SAMD4A: variants seen among roughly 807,000 people sequenced by gnomAD.
SAMD4A encodes the protein sterile alpha motif domain containing 4A.
In SAMD4A, 33 loss-of-function variants were observed where a neutral mutation model predicts 81.3. The ratio of observed to expected loss-of-function variants is 0.41; its 90% CI spans 0.31 to 0.54. The LOEUF is 0.54. Among genes scored for constraint, SAMD4A ranks in the 20% least tolerant of loss-of-function variants. The pLI is 0.37. For synonymous variants in SAMD4A, 389 were observed against 382.1 expected, an observed-to-expected ratio of 1.02 and a Z score of -0.21; for missense variants, 854 against 951.1, an observed-to-expected ratio of 0.90 and a Z score of 1.34.
intron 9 of SAMD4A, among the ~76,000 whole-genome samples, chr14:54,772,523 C>T (rs184200049): frequency 7.9e-5 from 12 of 152,256 alleles, no homozygotes; most frequent in African/African-American, 2.6e-4. Context: ...CCTAAGAGTC[C>T]CTGGATCCCT....
At chr14:54,786,408 C>G (rs550791874) in intron 12 of SAMD4A, among the ~76,000 whole-genome samples, 4 of 152,300 alleles carry the variant, frequency 2.6e-5, no homozygotes, top group African/African-American at 9.6e-5. Context: ...TACTAAAAAC[C>G]ACTGAATTGT....
In SAMD4A at chr14:54,737,315, G is replaced by A. The variant is rs775092018; in HGVS notation, c.979+28G>A. 7.4e-6 allele frequency: 12 copies of A among 1,611,690 alleles called. No individual in the cohort carries two copies. In the East Asian group the frequency reaches 2.2e-4, roughly 30 times the overall value. ...GAGTGACTAAATGAGAAACCACTGG[G>A]GAAAGAGCCCCTCCCTTTATTGGAG... On this transcript the variant is annotated intron_variant, in intron 4 of 12. Coordinates refer to ENST00000554335, the MANE Select transcript of SAMD4A (RefSeq NM_015589.6).
At chr14:54,655,170 A>G (rs763301457) in intron 2 of SAMD4A, among the ~76,000 whole-genome samples, 2 of 152,198 alleles carry the variant, frequency 1.3e-5, no homozygotes, top group Non-Finnish European at 2.9e-5. Flanking sequence ...ATATCAGCTC[A>G]TTATTTTGCG....
chr14:54,613,229 A>C (rs2034408449), intron 2 of SAMD4A, among the ~76,000 whole-genome samples: 1 of 152,184 alleles, frequency 6.6e-6, no homozygotes, highest in African/African-American at 2.4e-5. Context: ...AAGTGAAGCC[A>C]AGGAGAGCAG....
intron 3 of SAMD4A, chr14:54,703,714 C>A (rs1192209882): frequency 6.6e-6 from 1 of 152,066 alleles, no homozygotes; most frequent in Non-Finnish European, 1.5e-5. Flanking sequence ...CCAAAAAATA[C>A]AAAAATTAGC....
At chr14:54,602,684 T>A (rs1254149613) in intron 2 of SAMD4A, among the ~76,000 whole-genome samples, 1 of 151,480 alleles carries the variant, frequency 6.6e-6, no homozygotes, top group Non-Finnish European at 1.5e-5. Context: ...CATTAGGAGA[T>A]ATACCTAATG....
chr14:54,695,894 A>G (rs560167784), intron 2 of SAMD4A, among the ~76,000 whole-genome samples: 1 of 147,038 alleles, frequency 6.8e-6, no homozygotes, highest in East Asian at 2.1e-4. Context: ...CGGAGGTTAC[A>G]GTGAGCCAAG....
chr14:54,601,359 T>A (rs1462773781), intron 2 of SAMD4A, among the ~76,000 whole-genome samples: 1 of 152,178 alleles, frequency 6.6e-6, no homozygotes, highest in Non-Finnish European at 1.5e-5. Flanking sequence ...TTAAATCCAT[T>A]ATGGAAGTAG....
intron 9 of SAMD4A, among the ~76,000 whole-genome samples, chr14:54,773,301 T>TATCA (rs2038753546): frequency 6.6e-6 from 1 of 152,322 alleles, no homozygotes; most frequent in African/African-American, 2.4e-5. Context: ...TGCAGGCCCC[T>TATCA]ATCACCCTCA....
chr14:54,584,467 G>A (rs2033561385), intron 2 of SAMD4A, among the ~76,000 whole-genome samples: 2 of 152,154 alleles, frequency 1.3e-5, no homozygotes, highest in African/African-American at 4.8e-5. Flanking sequence ...TAACCCCTTA[G>A]ACTTGAATTT....
chr14:54,691,882 G>A (rs1165548617), intron 2 of SAMD4A, among the ~76,000 whole-genome samples: 1 of 152,212 alleles, frequency 6.6e-6, no homozygotes. Flanking sequence ...CTATGGACTC[G>A]AATATCCTGC....
At chr14:54,689,502 A>G (rs1227511010) in intron 2 of SAMD4A, 1 of 152,250 alleles carries the variant, frequency 6.6e-6, no homozygotes, top group Non-Finnish European at 1.5e-5. Context: ...GGAGGAACTG[A>G]AGCACAGAGT....
intron 2 of SAMD4A, among the ~76,000 whole-genome samples, chr14:54,604,176 T>C (rs965302125): frequency 6.6e-6 from 1 of 152,232 alleles, no homozygotes; most frequent in African/African-American, 2.4e-5. Flanking sequence ...TGAGCATAGT[T>C]GTCTGTGGTA....
chr14:54,624,687 T>C (rs1385455946), intron 2 of SAMD4A, among the ~76,000 whole-genome samples: 1 of 152,236 alleles, frequency 6.6e-6, no homozygotes, highest in African/African-American at 2.4e-5. Flanking sequence ...GTTTTACTTA[T>C]ATGGCTATAC....
Position 54,776,498 on chromosome 14 carries a change from G to A in SAMD4A, c.2002G>A (p.Val668Met), listed in dbSNP as rs779370893. The A allele has an allele frequency of 1.7e-5, 27 of 1,593,982 alleles. No individual in the cohort carries two copies. The highest frequency in any genetic ancestry group is 7.0e-5 in the Admixed American group (4 of 57,076). Residue 668 changes from valine to methionine, a missense_variant, in exon 11 of 13, where the codon GTG becomes ATG. Val to Met is a conservative substitution (Grantham distance 21, BLOSUM62 1). Around this residue, in one of 3 missense-constraint regions of SAMD4A, gnomAD observed 428 missense variants for 471.2 expected, o/e 0.91. Transcript: ENST00000554335. ...AGTCCAGAGGACCCGCTCGCTGCCC[G>A]TGCACACTTCCCCACAGAACATGCT... ...SSVQRTRSLP[V>M]HTSPQNMLMF...
At chr14:54,590,846 G>C (rs566369346) in intron 2 of SAMD4A, among the ~76,000 whole-genome samples, 8 of 152,334 alleles carry the variant, frequency 5.3e-5, no homozygotes, top group Admixed American at 3.3e-4. Context: ...TCAAATGTTA[G>C]TAAATGTTCA....
At chr14:54,775,673 A>G (rs1016385403) in intron 10 of SAMD4A, among the ~76,000 whole-genome samples, 1 of 151,540 alleles carries the variant, frequency 6.6e-6, no homozygotes, top group Non-Finnish European at 1.5e-5. Flanking sequence ...CCCAGGCCCC[A>G]CCCCTGCCCA....
At chr14:54,583,312 A>C (rs907410337) in intron 2 of SAMD4A, among the ~76,000 whole-genome samples, 1 of 152,146 alleles carries the variant, frequency 6.6e-6, no homozygotes, top group Non-Finnish European at 1.5e-5. Flanking sequence ...AAAGTTATTC[A>C]TGGTGTATTT....
intron 9 of SAMD4A, among the ~76,000 whole-genome samples, chr14:54,774,137 A>G (rs981741821): frequency 2.0e-5 from 3 of 152,330 alleles, no homozygotes; most frequent in Admixed American, 1.3e-4. Context: ...AGGGAGGCGC[A>G]AGGCGGCAGG....
Sources: allele counts gnomAD v4.1 joint callset (sites outside exome capture counted in the v4.1 genomes callset), GRCh38; gene constraint gnomAD v4.1.1; regional missense constraint gnomAD v4.1.1; transcripts MANE v1.5; gene names NCBI Gene and HGNC (gene_info 2026-07-23, HGNC 2026-07-21).